The following CDC42BPB variants were observed in gnomAD, a reference collection of about 807,000 sequenced individuals.
The protein encoded by CDC42BPB is serine/threonine-protein kinase MRCK beta.
Under a neutral mutation model 214.9 loss-of-function variants are expected in CDC42BPB, and 37 were observed. The ratio of observed to expected loss-of-function variants is 0.17; its 90% CI spans 0.13 to 0.23. The LOEUF is 0.23. CDC42BPB is among the 10% of genes least tolerant of loss of function. The probability of loss-of-function intolerance (pLI) is 1.00; values close to 1 mark genes in which losing one functional copy is unlikely to be tolerated. For synonymous variants in CDC42BPB, 931 were observed against 884.0 expected, an observed-to-expected ratio of 1.05 and a Z score of -0.94; for missense variants, 1,694 against 2,227.0, an observed-to-expected ratio of 0.76 and a Z score of 4.82.
At chr14:103,035,708 C>T (rs781389908) in intron 1 of CDC42BPB, among the ~76,000 whole-genome samples, 7 of 152,008 alleles carry the variant, frequency 4.6e-5, no homozygotes, top group Non-Finnish European at 8.8e-5. Context: ...GATGTGGTGG[C>T]GGGCGCCTGT....
Position 102,983,646 on chromosome 14 carries a change from C to T in CDC42BPB, c.801G>A (p.Leu267=). 6.2e-7 allele frequency: 1 copy of T among 1,613,930 alleles called. No homozygotes were observed. Among genetic ancestry groups the T allele is most frequent in the Non-Finnish European group, 8.5e-7 (1 of 1,180,046 alleles). Reference sequence around the variant, plus strand: ...AGAGCATCTCATACATGCAGACACCCAGAGACCACCAGTCACACTCAGGCC... The same window carrying T: ...AGAGCATCTCATACATGCAGACACCTAGAGACCACCAGTCACACTCAGGCC... ...KYGPECDWWS[L]GVCMYEMLYG... The change falls in exon 7 of 37, where the codon CTG becomes CTA. Residue 267 remains leucine (L), a synonymous_variant. Transcript: ENST00000361246.
rs1566833304 is a variant in CDC42BPB at position 102,933,306 on chromosome 14, A to G, written c.*406T>C. 2 of 169,212 alleles carry G rather than the reference A, an allele frequency of 1.2e-5. No homozygotes were observed. The highest frequency in any genetic ancestry group is 1.3e-5 in the Non-Finnish European group (1 of 79,696). 10.5% of individuals were successfully genotyped at this position (169,212 alleles called of 1,614,324 possible). A position where few individuals can be genotyped will look rare whatever the true frequency, so the allele number is the denominator to read the frequency against. ...CCTACTATTCTCTTAAGGTCCTAGG[A>G]AAGTTTCAGGAACTAGGGAAAAGAC... is the stretch of plus-strand genomic sequence containing the variant. On this transcript the variant is annotated 3_prime_UTR_variant, in exon 37 of 37. Transcript: ENST00000361246.
Position 102,940,330 on chromosome 14 carries a change from G to A in CDC42BPB, c.4409-6C>T, listed in dbSNP as rs1243846702. On this transcript the variant is annotated splice_polypyrimidine_tract_variant and splice_region_variant and intron_variant, in intron 30 of 36. Coordinates refer to ENST00000361246, the MANE Select transcript of CDC42BPB (RefSeq NM_006035.4). ...GACGTGGGTGGGGCTGCAACCTAGC[G>A]CAGACGGAGCAGGGCGGGGTGAGCC... The A allele has an allele frequency of 5.1e-6, 8 of 1,561,198 alleles. No individual in the cohort carries two copies. The highest frequency in any genetic ancestry group is 2.4e-5 in the East Asian group (1 of 41,876).
rs1350831582 is a variant in CDC42BPB, at chr14:102,966,329, C to T, written c.2530G>A (p.Glu844Lys). ...YLQALASKMTEELEALRSSSL... is the reference protein window; with the variant it reads ...YLQALASKMTKELEALRSSSL... Reference sequence around the variant, plus strand: ...GAACTCCTCAAAGCCTCGAGCTCTTCGGTCATCTTGGAAGCAAGAGCTTGA... The same window carrying T: ...GAACTCCTCAAAGCCTCGAGCTCTTTGGTCATCTTGGAAGCAAGAGCTTGA... Residue 844 changes from glutamate to lysine, a missense_variant, in exon 18 of 37, where the codon GAA (glutamate) becomes AAA (lysine). Glu to Lys is a moderately conservative substitution (Grantham distance 56, BLOSUM62 1). This residue lies in a region of CDC42BPB where 55 missense variants were observed against 95.5 expected (regional missense o/e 0.58). Coordinates refer to ENST00000361246, the MANE Select transcript of CDC42BPB (RefSeq NM_006035.4). 6.2e-7 allele frequency: 1 copy of T among 1,614,074 alleles called. No individual in the cohort carries two copies. The highest frequency in any genetic ancestry group is 1.7e-5 in the Admixed American group (1 of 60,022).
chr14:103,015,834 G>A (rs1886424323), intron 1 of CDC42BPB, among the ~76,000 whole-genome samples: 2 of 151,660 alleles, frequency 1.3e-5, no homozygotes, highest in Non-Finnish European at 1.5e-5. Flanking sequence ...TCAGCCTCCC[G>A]AGTAGCCGGG....
At chr14:102,971,335 T>C (rs1893463747) in intron 13 of CDC42BPB, among the ~76,000 whole-genome samples, 1 of 152,256 alleles carries the variant, frequency 6.6e-6, no homozygotes, top group South Asian at 2.1e-4. Flanking sequence ...AAGATTTTGT[T>C]TTAATTTCTG....
chr14:102,958,432 T>C (rs1042809970), intron 21 of CDC42BPB, among the ~76,000 whole-genome samples: 2 of 152,068 alleles, frequency 1.3e-5, no homozygotes, highest in Non-Finnish European at 2.9e-5. Context: ...GGCTGGAGTT[T>C]TCTAAATCAA....
In CDC42BPB at chr14:102,939,602, G is replaced by A. The variant is rs1180335215; in HGVS notation, c.4827+8C>T. 6.9e-6 allele frequency: 11 copies of A among 1,600,558 alleles called. No homozygotes were observed. Among genetic ancestry groups the A allele is most frequent in the African/African-American group, 1.3e-5 (1 of 74,688 alleles). ...GCCCTGCCCGCCCTATCCCGGCCGT[G>A]CACGCACCAGAGGCAGGTCCATGAG... On this transcript the variant is annotated splice_region_variant and intron_variant, in intron 34 of 36. Transcript: ENST00000361246.
intron 36 of CDC42BPB, among the ~76,000 whole-genome samples, chr14:102,934,435 G>A (rs1408723049): frequency 6.6e-6 from 1 of 152,220 alleles, no homozygotes; most frequent in Non-Finnish European, 1.5e-5. Flanking sequence ...TGGGGAGGCT[G>A]AGGCAGGAGA....
chr14:103,003,430 T>C (rs940228455), intron 4 of CDC42BPB, among the ~76,000 whole-genome samples: 1 of 152,108 alleles, frequency 6.6e-6, no homozygotes, highest in Non-Finnish European at 1.5e-5. Context: ...GCAAGCCCTG[T>C]TTAAATCGGA....
At chr14:103,015,052 T>A (rs1167806426) in intron 1 of CDC42BPB, among the ~76,000 whole-genome samples, 1 of 152,128 alleles carries the variant, frequency 6.6e-6, no homozygotes, top group African/African-American at 2.4e-5. Context: ...GTTTAATAGT[T>A]GTGTACACAT....
chr14:102,961,958 C>G (rs1050915522), intron 20 of CDC42BPB, among the ~76,000 whole-genome samples: 1 of 152,192 alleles, frequency 6.6e-6, no homozygotes, highest in Non-Finnish European at 1.5e-5. Context: ...ATGCAAAAGG[C>G]TTTTAGAAAT....
chr14:102,984,355 T>G (rs1156820386), intron 6 of CDC42BPB, among the ~76,000 whole-genome samples: 1 of 152,176 alleles, frequency 6.6e-6, no homozygotes, highest in Non-Finnish European at 1.5e-5. Flanking sequence ...CACAAGAGGC[T>G]GCATTTCTAA....
At chr14:103,012,877 C>T (rs1202443444) in intron 1 of CDC42BPB, among the ~76,000 whole-genome samples, 1 of 152,192 alleles carries the variant, frequency 6.6e-6, no homozygotes, top group Non-Finnish European at 1.5e-5. Context: ...TCGGAACTGT[C>T]GCACGCTGCA....
chr14:103,011,414 T>C (rs181071700), intron 2 of CDC42BPB, among the ~76,000 whole-genome samples: 269 of 152,216 alleles, frequency 1.8e-3, no homozygotes, highest in Non-Finnish European at 2.7e-3. Context: ...AAGTCAAAAT[T>C]CAATTAACAA....
At position 102,944,658 on chromosome 14, in the gene CDC42BPB, G is replaced by A. The variant is rs1205625378; in HGVS notation, c.3812-171C>T. Reference sequence around the variant, plus strand: ...GAGCCCGTCTCTGCCCACAGAGCCAGTGGCTTGAACGCCCCCCGGAGAAGC... The same window carrying A: ...GAGCCCGTCTCTGCCCACAGAGCCAATGGCTTGAACGCCCCCCGGAGAAGC... On this transcript the variant is annotated intron_variant, in intron 29 of 36. Transcript: ENST00000361246. The surrounding 1 kb of genome is among the most constrained non-coding windows in gnomAD (Gnocchi z 6.6). 2 of 985,254 alleles carry A rather than the reference G, an allele frequency of 2.0e-6. No individual in the cohort carries two copies. The highest frequency in any genetic ancestry group is 2.4e-6 in the Non-Finnish European group (2 of 829,920). The allele number at this position is 985,254 out of a possible 1,614,324, so 61.0% of individuals were successfully genotyped here.
At position 102,947,821 on chromosome 14, in the gene CDC42BPB, T is replaced by C. The variant is rs1189362273; in HGVS notation, c.3450-19A>G. The C allele has an allele frequency of 1.9e-6, 3 of 1,611,958 alleles. No homozygotes were observed. Among genetic ancestry groups the C allele is most frequent in the East Asian group, 2.2e-5 (1 of 44,822 alleles). ...GTCATCTCTGGTAAGGAAGAAACAT[T>C]GACCCCGCTGGGAGACACGCGCACA... On this transcript the variant is annotated intron_variant, in intron 26 of 36. Coordinates refer to ENST00000361246, the MANE Select transcript of CDC42BPB (RefSeq NM_006035.4).
rs781133163 is a variant in CDC42BPB, at chr14:102,940,260, G to A, written c.4473C>T (p.Thr1491=). The change falls in exon 31 of 37, where the codon ACC becomes ACT. Residue 1491 remains threonine (T), a synonymous_variant. Coordinates refer to ENST00000361246, the MANE Select transcript of CDC42BPB (RefSeq NM_006035.4). ...GGCCGATGGTCTGCACCCACTCCAT[G>A]GTGCGCACATCAAAGACGTCCACGC... ...EYGVDVFDVR[T]MEWVQTIGLR... The A allele has an allele frequency of 1.3e-6, 2 of 1,598,788 alleles. No homozygotes were observed. Among genetic ancestry groups the A allele is most frequent in the South Asian group, 2.2e-5 (2 of 89,152 alleles).
At chr14:102,964,168 T>G (rs978908644) in intron 19 of CDC42BPB, among the ~76,000 whole-genome samples, 1 of 152,240 alleles carries the variant, frequency 6.6e-6, no homozygotes, top group African/African-American at 2.4e-5. Context: ...CGGAGGTGAC[T>G]AAGCAGTGAG....
Sources: allele counts gnomAD v4.1 joint callset (sites outside exome capture counted in the v4.1 genomes callset), GRCh38; gene constraint gnomAD v4.1.1; regional missense constraint gnomAD v4.1.1; non-coding constraint Gnocchi (gnomAD v3.1); transcripts MANE v1.5; gene names NCBI Gene and HGNC (gene_info 2026-07-23, HGNC 2026-07-21).